FNDC3B: variants seen among roughly 807,000 people sequenced by gnomAD.
The protein encoded by FNDC3B is fibronectin type III domain-containing protein 3B.
FNDC3B carries 12 observed loss-of-function variants against 151.5 expected under a neutral mutation model. The observed-to-expected ratio is 0.08, with a 90% confidence interval of 0.05 to 0.13. The LOEUF is 0.13. Ranked by LOEUF, FNDC3B falls within the 10% of genes least tolerant of loss-of-function variation. The pLI, the probability that FNDC3B is intolerant of heterozygous loss-of-function variation, is 1.00. For missense variants in FNDC3B, 1,214 were observed against 1,505.3 expected (o/e 0.81, Z 3.20); for synonymous variants, 528 against 549.0 (o/e 0.96, Z 0.54).
At chr3:172,137,139 T>A (rs959868754) in intron 3 of FNDC3B, among the ~76,000 whole-genome samples, 2 of 152,152 alleles carry the variant, frequency 1.3e-5, no homozygotes, top group Non-Finnish European at 1.5e-5. Context: ...GCCTTCAGAT[T>A]AGGGACTGCT....
At chr3:172,078,955 C>T (rs1007689215) in intron 1 of FNDC3B, among the ~76,000 whole-genome samples, 2 of 152,202 alleles carry the variant, frequency 1.3e-5, no homozygotes, top group Non-Finnish European at 2.9e-5. Context: ...ATAAAGAACA[C>T]ACTGATGACT....
At chr3:172,129,510 CCTT>C (rs1389589568) in intron 2 of FNDC3B, among the ~76,000 whole-genome samples, 2 of 152,194 alleles carry the variant, frequency 1.3e-5, no homozygotes, top group Non-Finnish European at 2.9e-5. Context: ...AGATATTACA[CCTT>C]CTTTCAGTTC....
chr3:172,060,269 C>A (rs1717132173), intron 1 of FNDC3B, among the ~76,000 whole-genome samples: 1 of 152,042 alleles, frequency 6.6e-6, no homozygotes, highest in South Asian at 2.1e-4. Context: ...AGTCTAGATT[C>A]TTTTAGATGT....
In FNDC3B at chr3:172,383,808, C is replaced by T. The variant is rs184600468; in HGVS notation, c.3303+2715C>T. On this transcript the variant is annotated intron_variant, in intron 25 of 25. Coordinates refer to ENST00000415807, the MANE Select transcript of FNDC3B (RefSeq NM_022763.4). ...TTCCAAAGAAGAATCAGATCAATGA[C>T]TCTGAAGGATTTAGATACTCTATAG... 4.7e-4 allele frequency among the ~76,000 whole-genome samples: 71 copies of T among 152,298 alleles called. No individual in the cohort carries two copies. In the East Asian group the frequency reaches 0.012, roughly 26 times the overall value.
intron 3 of FNDC3B, among the ~76,000 whole-genome samples, chr3:172,167,774 G>A (rs1723078946): frequency 1.3e-5 from 2 of 152,182 alleles, no homozygotes; most frequent in African/African-American, 4.8e-5. Flanking sequence ...GACTCTCATA[G>A]GAGCACGAAC....
chr3:172,369,006 A>C (rs1392443029), intron 23 of FNDC3B, among the ~76,000 whole-genome samples: 1 of 152,160 alleles, frequency 6.6e-6, no homozygotes, highest in Non-Finnish European at 1.5e-5. Context: ...GCAAGACTCC[A>C]TCTCAAAAAA....
rs116488264 is a variant in FNDC3B, at chr3:172,349,405, G to A, written c.2514+2044G>A. On this transcript the variant is annotated intron_variant, in intron 21 of 25. Coordinates refer to ENST00000415807, the MANE Select transcript of FNDC3B (RefSeq NM_022763.4). ...AGGACTGTTTTAATTAAGTACCAAC[G>A]TAATTCCATTCATAGGGCATGTTGT... 3.6e-3 allele frequency among the ~76,000 whole-genome samples: 553 copies of A among 152,254 alleles called. 5 individuals carry two copies. In the Middle Eastern group the frequency reaches 0.044, roughly 12 times the overall value.
intron 6 of FNDC3B, among the ~76,000 whole-genome samples, chr3:172,275,403 GC>G (rs1487179410): frequency 1.3e-5 from 2 of 152,124 alleles, no homozygotes; most frequent in African/African-American, 4.8e-5. Context: ...CATCTGCAGG[GC>G]TTAAGAGAAT....
In FNDC3B at chr3:172,374,787, C is replaced by T. The variant is rs774887262; in HGVS notation, c.3009-3483C>T. Among the ~76,000 whole-genome samples, 35 of 152,208 alleles carry T rather than the reference C, an allele frequency of 2.3e-4. 1 individual carries two copies. Among genetic ancestry groups the T allele is most frequent in the Middle Eastern group, 3.4e-3 (1 of 294 alleles). On this transcript the variant is annotated intron_variant, in intron 23 of 25. Coordinates refer to ENST00000415807, the MANE Select transcript of FNDC3B (RefSeq NM_022763.4). Reference sequence around the variant, plus strand: ...TTGTACAGATGAGAAAACTGAGGCACGAAGAGGCTAAACTACTTGCTGGTG... The same window carrying T: ...TTGTACAGATGAGAAAACTGAGGCATGAAGAGGCTAAACTACTTGCTGGTG...
chr3:172,148,678 A>G (rs1485822753), intron 3 of FNDC3B: 2 of 152,134 alleles, frequency 1.3e-5, no homozygotes, highest in African/African-American at 4.8e-5. Context: ...GGCCCTGTTT[A>G]AAAAAATCTA....
intron 2 of FNDC3B, among the ~76,000 whole-genome samples, chr3:172,130,089 G>T (rs530698081): frequency 6.6e-6 from 1 of 152,088 alleles, no homozygotes; most frequent in Admixed American, 6.5e-5. Flanking sequence ...CATGCTCCTC[G>T]GGGCTGCGTG....
chr3:172,367,485 T>C (rs1172635924), intron 23 of FNDC3B, among the ~76,000 whole-genome samples: 3 of 152,226 alleles, frequency 2.0e-5, no homozygotes, highest in East Asian at 1.9e-4. Flanking sequence ...ACAGAAGATA[T>C]GAATGTCTTT....
chr3:172,259,529 G>A (rs1267945575), intron 6 of FNDC3B, among the ~76,000 whole-genome samples: 8 of 152,158 alleles, frequency 5.3e-5, no homozygotes, highest in Non-Finnish European at 1.0e-4. Context: ...TCTGACTTGG[G>A]CCTTATCCTG....
intron 3 of FNDC3B, among the ~76,000 whole-genome samples, chr3:172,136,070 G>A (rs1372028304): frequency 6.6e-6 from 1 of 152,184 alleles, no homozygotes; most frequent in African/African-American, 2.4e-5. Context: ...AAGTCACAAA[G>A]CTAGAAAGAG....
intron 7 of FNDC3B, among the ~76,000 whole-genome samples, chr3:172,288,642 C>T (rs1730145785): frequency 6.6e-6 from 1 of 152,194 alleles, no homozygotes; most frequent in South Asian, 2.1e-4. Context: ...AACAAAGCCT[C>T]AAGTAGTTAC....
At position 172,398,651 on chromosome 3, in the gene FNDC3B, CA is replaced by C. The variant is rs1736408330; in HGVS notation, c.*1178del. On this transcript the variant is annotated 3_prime_UTR_variant, in exon 26 of 26. Transcript: ENST00000415807. Reference sequence around the variant, plus strand: ...TGGTAAACACAGGGTGTTTGGGGATCAAGGAGCCTAGATTCTCTCCCTGGAT... The same window carrying C: ...TGGTAAACACAGGGTGTTTGGGGATCAGGAGCCTAGATTCTCTCCCTGGAT... 6.6e-6 allele frequency: 1 copy of C among 152,180 alleles called. No individual in the cohort carries two copies. The highest frequency in any genetic ancestry group is 6.5e-5 in the Admixed American group (1 of 15,272). The allele number at this position is 152,180 out of a possible 1,614,324, so 9.4% of individuals were successfully genotyped here. A position where few individuals can be genotyped will look rare whatever the true frequency, so the allele number is the denominator to read the frequency against.
chr3:172,349,997 C>T (rs1733787071), intron 21 of FNDC3B, among the ~76,000 whole-genome samples: 1 of 152,114 alleles, frequency 6.6e-6, no homozygotes. Flanking sequence ...TTCTATAGTT[C>T]TGTAACATGT....
At chr3:172,287,342 T>C (rs1730073911) in intron 7 of FNDC3B, among the ~76,000 whole-genome samples, 1 of 152,184 alleles carries the variant, frequency 6.6e-6, no homozygotes, top group South Asian at 2.1e-4. Context: ...GAAAGATAGA[T>C]ACAGCGGGCG....
rs201117993 is a variant in FNDC3B, at chr3:172,279,422, CG to C, written c.791-6503del. On this transcript the variant is annotated intron_variant, in intron 6 of 25. Coordinates refer to ENST00000415807, the MANE Select transcript of FNDC3B (RefSeq NM_022763.4). ...TCCAGAACCTGTTTGGAACCTAGGC[CG>C]CTCTTGAAAATATTTTCCTGGAATG... is the stretch of plus-strand genomic sequence containing the variant. Among the ~76,000 whole-genome samples the C allele has an allele frequency of 4.4e-3, 671 of 152,252 alleles. 6 individuals are homozygous for C. The highest frequency in any genetic ancestry group is 5.5e-3 in the Non-Finnish European group (371 of 68,018).
Sources: allele counts gnomAD v4.1 joint callset (sites outside exome capture counted in the v4.1 genomes callset), GRCh38; gene constraint gnomAD v4.1.1; transcripts MANE v1.5; gene names NCBI Gene and HGNC (gene_info 2026-07-23, HGNC 2026-07-21).